SLC25A1: variants seen among roughly 807,000 people sequenced by gnomAD.
SLC25A1 encodes the protein solute carrier family 25 member 1, also known as tricarboxylate transport protein, mitochondrial.
In SLC25A1, 26 loss-of-function variants were observed where a neutral mutation model predicts 38.1. The ratio of observed to expected loss-of-function variants is 0.68; its 90% CI spans 0.50 to 0.95. The LOEUF (loss-of-function observed/expected upper bound fraction) is 0.95. Among genes scored for constraint, SLC25A1 ranks in the 40% least tolerant of loss-of-function variants. SLC25A1 has a pLI of 0.00. For missense variants in SLC25A1, 378 were observed against 426.6 expected, an observed-to-expected ratio of 0.89 and a Z score of 1.00; for synonymous variants, 211 against 183.2, an observed-to-expected ratio of 1.15 and a Z score of -1.23.
rs1555922952 is a variant in SLC25A1, at chr22:19,177,775, A to T, written c.393T>A (p.Ala131=). 1.2e-6 allele frequency: 2 copies of T among 1,610,112 alleles called. No homozygotes were observed. Among genetic ancestry groups the T allele is most frequent in the African/African-American group, 2.7e-5 (2 of 74,844 alleles). Residue 131 remains alanine, a synonymous_variant, in exon 4 of 9, where the codon GCT becomes GCA. Transcript: ENST00000215882. ...STRGLLCGLG[A]GVAEAVVVVC... ...CGACCACCACGGCCTCGGCCACGCCAGCGCCCAGGCCGCACAGCAGCCCAC... is the reference window on the plus strand; with the variant it reads ...CGACCACCACGGCCTCGGCCACGCCTGCGCCCAGGCCGCACAGCAGCCCAC...
Position 19,176,697 on chromosome 22 carries a change from G to A in SLC25A1, c.632-4C>T, listed in dbSNP as rs1555922437. 6.2e-7 allele frequency: 1 copy of A among 1,612,290 alleles called. No homozygotes were observed. Among genetic ancestry groups the A allele is most frequent in the South Asian group, 1.1e-5 (1 of 91,040 alleles). ...ATGGGCTTGTTGGGGTTGTCCCCTG[G>A]ATATAGGAGGGGTGAGGTGGGTCAG... On this transcript the variant is annotated splice_polypyrimidine_tract_variant and splice_region_variant and intron_variant, in intron 6 of 8. Transcript: ENST00000215882.
intron 6 of SLC25A1, 21 bp downstream of exon 6, chr22:19,176,825 G>A: frequency 1.2e-6 from 2 of 1,611,924 alleles, no homozygotes; most frequent in Non-Finnish European, 1.7e-6. Flanking sequence ...GCAGAGATGG[G>A]GCCCTGTGAT....
At chr22:19,177,013 G>A in intron 5 of SLC25A1, 63 bp from the exon 6 acceptor site, 1 of 1,590,656 alleles carries the variant, frequency 6.3e-7, no homozygotes, top group Non-Finnish European at 8.6e-7. Context: ...GAATTGGTGT[G>A]TGTGGGGGGT....
At chr22:19,177,056 G>T in intron 5 of SLC25A1, 64 bp downstream of exon 5, 1 of 1,570,188 alleles carries the variant, frequency 6.4e-7, no homozygotes, top group Non-Finnish European at 8.8e-7. Flanking sequence ...CAGGATGGGA[G>T]GTGCAGGCCC....
At position 19,177,997 on chromosome 22, in the gene SLC25A1, G is replaced by T; in HGVS notation, c.247C>A (p.Leu83Met). Residue 83 changes from leucine (L) to methionine (M), a missense_variant, in exon 3 of 9, where the codon CTG (leucine) becomes ATG (methionine). Leu to Met is a conservative substitution (Grantham distance 15). Transcript: ENST00000215882. ...AGCAGGGAGCTAAGGCCGCGGTACA[G>T]GCCCAGGACGCCATGGCTGCGAACC... ...QTVRSHGVLGLYRGLSSLLYG... is the reference protein window; with the variant it reads ...QTVRSHGVLGMYRGLSSLLYG... The T allele has an allele frequency of 6.2e-7, 1 of 1,603,656 alleles. No homozygotes were observed. The highest frequency in any genetic ancestry group is 8.5e-7 in the Non-Finnish European group (1 of 1,176,942).
chr22:19,176,301 G>C (rs960754668), intron 8 of SLC25A1, 57 bp from the exon 9 acceptor site: 62 of 1,556,790 alleles, frequency 4.0e-5, no homozygotes, highest in Non-Finnish European at 4.8e-5. Flanking sequence ...TCCCTGCACA[G>C]GGCAATCCCC....
chr22:19,177,794 A>T lies in SLC25A1; in HGVS notation c.374T>A (p.Leu125Gln). The change falls in exon 4 of 9, where the codon CTG becomes CAG. Residue 125 changes from leucine to glutamine, a missense_variant. By Grantham distance (113) the Leu-to-Gln change is moderately radical. Coordinates refer to ENST00000215882, the MANE Select transcript of SLC25A1 (RefSeq NM_005984.5). ...AQGRLDSTRG[L>Q]LCGLGAGVAE... ...CACGCCAGCGCCCAGGCCGCACAGC[A>T]GCCCACGCGTGCTGTCCAGCCGTCC... 1 of 1,610,710 alleles carries T rather than the reference A, an allele frequency of 6.2e-7. No homozygotes were observed. The highest frequency in any genetic ancestry group is 1.1e-5 in the South Asian group (1 of 90,970).
chr22:19,176,474 GT>G lies in SLC25A1; in HGVS notation c.767del (p.Tyr256SerfsTer12). On this transcript the variant is annotated frameshift_variant, in exon 8 of 9. Transcript: ENST00000215882. LOFTEE classifies it high-confidence loss of function. The stretch of plus-strand genomic sequence containing the variant: ...GCAAGCCGCAGTCCCACGTGTTCCG[GT>G]ATTTGTGCGCCTCCAGGCCCTATGG... ...TRMQGLEAHK[Y>X]RNTWDCGLQI... 1 of 1,613,854 alleles carries G rather than the reference GT, an allele frequency of 6.2e-7. No individual in the cohort carries two copies. Among genetic ancestry groups the G allele is most frequent in the Non-Finnish European group, 8.5e-7 (1 of 1,180,026 alleles).
At position 19,178,465 on chromosome 22, in the gene SLC25A1, G is replaced by A; in HGVS notation, c.94+115C>T. The A allele has an allele frequency of 7.4e-7, 1 of 1,351,830 alleles. No individual in the cohort carries two copies. The highest frequency in any genetic ancestry group is 9.5e-7 in the Non-Finnish European group (1 of 1,057,708). 83.7% of individuals were successfully genotyped at this position (1,351,830 alleles called of 1,614,324 possible). A position where few individuals can be genotyped will look rare whatever the true frequency, so the allele number is the denominator to read the frequency against. On this transcript the variant is annotated intron_variant, in intron 1 of 8. Transcript: ENST00000215882. The surrounding 1 kb of genome is among the most constrained non-coding windows in gnomAD (Gnocchi z 4.9). The stretch of plus-strand genomic sequence containing the variant: ...AGCGCGCCGGGTGGGGACCAGGACC[G>A]CGCCTCCACGACTCCCCAGCCCACG...
At chr22:19,177,087 C>T (rs782436999) in intron 5 of SLC25A1, 33 bp downstream of exon 5, 3 of 1,608,904 alleles carry the variant, frequency 1.9e-6, no homozygotes, top group Non-Finnish European at 2.6e-6. Flanking sequence ...GGCCCAGGTC[C>T]CTGAGCCCTA....
rs1398379158 is a variant in SLC25A1 at position 19,177,995 on chromosome 22, C to T, written c.249G>A (p.Leu83=). 2 of 1,604,070 alleles carry T rather than the reference C, an allele frequency of 1.2e-6. No homozygotes were observed. Among genetic ancestry groups the T allele is most frequent in the South Asian group, 1.1e-5 (1 of 89,698 alleles). Residue 83 remains leucine, a synonymous_variant, in exon 3 of 9, where the codon CTG becomes CTA. Transcript: ENST00000215882. ...QTVRSHGVLG[L]YRGLSSLLYG... is the part of the protein sequence containing the mutation. Reference sequence around the variant, plus strand: ...AGAGCAGGGAGCTAAGGCCGCGGTACAGGCCCAGGACGCCATGGCTGCGAA... The same window carrying T: ...AGAGCAGGGAGCTAAGGCCGCGGTATAGGCCCAGGACGCCATGGCTGCGAA...
chr22:19,178,330 C>T lies in SLC25A1; in HGVS notation c.95-90G>A. ...CGTCCCGGACTTCGGTCGGCGCGGCCGCCGCGCCAGTGCCGCGGGGAACAT... is the reference window on the plus strand; with the variant it reads ...CGTCCCGGACTTCGGTCGGCGCGGCTGCCGCGCCAGTGCCGCGGGGAACAT... On this transcript the variant is annotated intron_variant, in intron 1 of 8. Transcript: ENST00000215882. The surrounding 1 kb of genome is among the most constrained non-coding windows in gnomAD (Gnocchi z 4.9). 6.6e-7 allele frequency: 1 copy of T among 1,518,288 alleles called. No homozygotes were observed. Among genetic ancestry groups the T allele is most frequent in the South Asian group, 1.2e-5 (1 of 80,192 alleles). 94.1% of individuals were successfully genotyped at this position (1,518,288 alleles called of 1,614,324 possible).
In SLC25A1 at chr22:19,178,292, C is replaced by G. The variant is rs369464760; in HGVS notation, c.95-52G>C. ...AGACTCCCGCCCGGCCGCTGGCGCT[C>G]GGGCCCCTCCCCCGTCCCGGACTTC... On this transcript the variant is annotated intron_variant, in intron 1 of 8. Coordinates refer to ENST00000215882, the MANE Select transcript of SLC25A1 (RefSeq NM_005984.5). This position sits in a 1 kb window ranked among gnomAD's most constrained non-coding sequence, Gnocchi z 4.9. 7.4e-4 allele frequency: 1,142 copies of G among 1,537,840 alleles called. 8 individuals carry two copies. In the African/African-American group the frequency reaches 0.015, roughly 20 times the overall value.
rs782333888 is a variant in SLC25A1, at chr22:19,177,756, C to A, written c.412G>T (p.Val138Leu). The part of the protein sequence containing the change: ...GLGAGVAEAV[V>L]VVCPMETIKV... The stretch of plus-strand genomic sequence containing the variant: ...ATGGTCTCCATGGGGCACACGACCA[C>A]CACGGCCTCGGCCACGCCAGCGCCC... Residue 138 changes from valine to leucine, a missense_variant, in exon 4 of 9, where the codon GTG (valine) becomes TTG (leucine). Transcript: ENST00000215882. 6 of 1,609,188 alleles carry A rather than the reference C, an allele frequency of 3.7e-6. No homozygotes were observed. The highest frequency in any genetic ancestry group is 3.3e-5 in the South Asian group (3 of 90,982).
intron 5 of SLC25A1, 68 bp from the exon 6 acceptor site, chr22:19,177,018 G>T (rs938289380): frequency 3.2e-5 from 51 of 1,586,520 alleles, no homozygotes; most frequent in African/African-American, 5.4e-5. Flanking sequence ...GGTGTGTGTG[G>T]GGGGTGGGTG....
chr22:19,176,940 C>A lies in SLC25A1; in HGVS notation c.537G>T (p.Gly179=), dbSNP rs781886334. 1 of 1,613,580 alleles carries A rather than the reference C, an allele frequency of 6.2e-7. No homozygotes were observed. ...CAGTGGCTGTGAGGCCCTGGTACGT[C>A]CCCTTCAGCCCTGCGGGAAGGCAGG... The part of the protein sequence containing the change: ...REIVREQGLK[G]TYQGLTATVL... The change falls in exon 6 of 9, where the codon GGG becomes GGT. Residue 179 remains glycine, a synonymous_variant. Transcript: ENST00000215882.
At position 19,175,689 on chromosome 22, in the gene SLC25A1, G is replaced by A. The variant is rs898216071; in HGVS notation, c.*441C>T. On this transcript the variant is annotated 3_prime_UTR_variant, in exon 9 of 9. Transcript: ENST00000215882. ...CCGAGGGCCAGTTAAGGCCAATGGC[G>A]GGAGAAGCAGGGGGCTGCAGCCCCT... 9.2e-6 allele frequency: 2 copies of A among 217,660 alleles called. No homozygotes were observed. Among genetic ancestry groups the A allele is most frequent in the South Asian group, 7.0e-5 (1 of 14,346 alleles). 13.5% of individuals were successfully genotyped at this position (217,660 alleles called of 1,614,324 possible). A position where few individuals can be genotyped will look rare whatever the true frequency, so the allele number is the denominator to read the frequency against.
chr22:19,177,926 A>G lies in SLC25A1; in HGVS notation c.302+16T>C. ...GCCGAGCCCCCCTCCCGCAGCAGCCACCGGCCGGGCCTCACCTGACGGCCG... is the reference window on the plus strand; with the variant it reads ...GCCGAGCCCCCCTCCCGCAGCAGCCGCCGGCCGGGCCTCACCTGACGGCCG... On this transcript the variant is annotated intron_variant, in intron 3 of 8. Coordinates refer to ENST00000215882, the MANE Select transcript of SLC25A1 (RefSeq NM_005984.5). 1 of 1,587,992 alleles carries G rather than the reference A, an allele frequency of 6.3e-7. No homozygotes were observed. The highest frequency in any genetic ancestry group is 8.6e-7 in the Non-Finnish European group (1 of 1,169,424).
Position 19,176,666 on chromosome 22 carries a change from G to A in SLC25A1, c.659C>T (p.Pro220Leu). The change falls in exon 7 of 9, where the codon CCT becomes CTT. Residue 220 changes from proline (P) to leucine (L), a missense_variant. By Grantham distance (98) the Pro-to-Leu change is moderately conservative (BLOSUM62 -3). Coordinates refer to ENST00000215882, the MANE Select transcript of SLC25A1 (RefSeq NM_005984.5). ...RGDNPNKPMNPLITGVFGAIA... is the reference protein window; with the variant it reads ...RGDNPNKPMNLLITGVFGAIA... The stretch of plus-strand genomic sequence containing the variant: ...AGCTCCGAAGACCCCAGTGATCAGA[G>A]GGTTCATGGGCTTGTTGGGGTTGTC... The A allele has an allele frequency of 6.2e-7, 1 of 1,613,990 alleles. No homozygotes were observed. Among genetic ancestry groups the A allele is most frequent in the Non-Finnish European group, 8.5e-7 (1 of 1,179,976 alleles).
Sources: allele counts gnomAD v4.1 joint callset, GRCh38; gene constraint gnomAD v4.1.1; non-coding constraint Gnocchi (gnomAD v3.1); transcripts MANE v1.5; gene names NCBI Gene and HGNC (gene_info 2026-07-23, HGNC 2026-07-21).